The following DSCAM variants were observed in gnomAD, a reference collection of about 807,000 sequenced individuals.
DSCAM encodes DS cell adhesion molecule.
Under a neutral mutation model 217.7 loss-of-function variants are expected in DSCAM, and 47 were observed. The ratio of observed to expected loss-of-function variants is 0.22; its 90% CI spans 0.17 to 0.28. The LOEUF is 0.28. DSCAM is among the 10% of genes least tolerant of loss of function. The pLI is 1.00. For missense variants in DSCAM, 2,080 were observed against 2,618.3 expected (o/e 0.79, Z 4.49); for synonymous variants, 1,056 against 1,015.3 (o/e 1.04, Z -0.76).
At chr21:40,792,187 G>A (rs1185144887) in intron 1 of DSCAM, among the ~76,000 whole-genome samples, 1 of 138,716 alleles carries the variant, frequency 7.2e-6, no homozygotes, top group Non-Finnish European at 1.5e-5. Context: ...TGCCCGGGCT[G>A]GAGTGCAGTG....
At chr21:40,735,053 A>G (rs1034605470) in intron 1 of DSCAM, among the ~76,000 whole-genome samples, 8 of 152,256 alleles carry the variant, frequency 5.3e-5, no homozygotes, top group African/African-American at 1.9e-4. Flanking sequence ...TTGCTAAAGC[A>G]TTGAGAGATA....
intron 8 of DSCAM, among the ~76,000 whole-genome samples, chr21:40,336,556 T>A (rs1175293860): frequency 6.6e-6 from 1 of 152,228 alleles, no homozygotes; most frequent in Non-Finnish European, 1.5e-5. Context: ...ACTTTTTATG[T>A]TACAAAATCA....
At chr21:40,625,634 A>G (rs1192540627) in intron 3 of DSCAM, among the ~76,000 whole-genome samples, 1 of 152,022 alleles carries the variant, frequency 6.6e-6, no homozygotes, top group Non-Finnish European at 1.5e-5. Context: ...GAAAGCCCCC[A>G]CCCTGTGGCC....
intron 28 of DSCAM, among the ~76,000 whole-genome samples, chr21:40,060,894 A>C (rs2089107649): frequency 6.6e-6 from 1 of 152,138 alleles, no homozygotes; most frequent in Non-Finnish European, 1.5e-5. Flanking sequence ...ACACAAGTGC[A>C]TGTGTGTTTG....
intron 3 of DSCAM, among the ~76,000 whole-genome samples, chr21:40,605,331 C>G (rs992418051): frequency 2.0e-5 from 3 of 152,156 alleles, no homozygotes; most frequent in Non-Finnish European, 2.9e-5. Context: ...CCTGTGACCT[C>G]AATCCTCTGA....
At chr21:40,674,428 G>A (rs1465532151) in intron 3 of DSCAM, among the ~76,000 whole-genome samples, 1 of 152,012 alleles carries the variant, frequency 6.6e-6, no homozygotes, top group Non-Finnish European at 1.5e-5. Context: ...AATATGATTT[G>A]TCTTATAGGT....
intron 32 of DSCAM, among the ~76,000 whole-genome samples, chr21:40,040,507 A>T (rs2088726293): frequency 6.6e-6 from 1 of 152,220 alleles, no homozygotes; most frequent in African/African-American, 2.4e-5. Flanking sequence ...TCAGGTGGAA[A>T]CATAAAGTAC....
chr21:40,028,496 G>A (rs930997125), intron 32 of DSCAM, among the ~76,000 whole-genome samples: 1 of 151,876 alleles, frequency 6.6e-6, no homozygotes, highest in African/African-American at 2.4e-5. Context: ...CTAGCAATCA[G>A]CGAGACTCCA....
At chr21:40,106,726 C>T (rs1275248535) in intron 20 of DSCAM, among the ~76,000 whole-genome samples, 1 of 152,066 alleles carries the variant, frequency 6.6e-6, no homozygotes, top group Admixed American at 6.6e-5. Flanking sequence ...GGAATTTATC[C>T]ATTTCTTCTA....
At chr21:40,188,706 T>C (rs914794791) in intron 12 of DSCAM, among the ~76,000 whole-genome samples, 12 of 152,344 alleles carry the variant, frequency 7.9e-5, no homozygotes, top group African/African-American at 2.6e-4. Context: ...TTTTTCTTTT[T>C]GCAGGAAGTT....
intron 1 of DSCAM, among the ~76,000 whole-genome samples, chr21:40,726,348 A>C (rs1156732963): frequency 2.0e-5 from 3 of 152,212 alleles, no homozygotes; most frequent in African/African-American, 7.2e-5. Flanking sequence ...CATAGTCATA[A>C]TAATGTAAAT....
intron 3 of DSCAM, among the ~76,000 whole-genome samples, chr21:40,570,857 TAAAAC>T (rs1022875260): frequency 2.7e-5 from 4 of 150,756 alleles, no homozygotes; most frequent in African/African-American, 9.8e-5. Context: ...ATGAAAAAAA[TAAAAC>T]AAAGCATCCA....
At chr21:40,111,064 A>G (rs1045945097) in intron 20 of DSCAM, among the ~76,000 whole-genome samples, 38 of 152,216 alleles carry the variant, frequency 2.5e-4, no homozygotes, top group African/African-American at 9.2e-4. Flanking sequence ...AATACAGAGA[A>G]CACCATAAAG....
chr21:40,689,691 CA>C (rs1171921625), intron 3 of DSCAM, among the ~76,000 whole-genome samples: 1 of 152,254 alleles, frequency 6.6e-6, no homozygotes, highest in Non-Finnish European at 1.5e-5. Flanking sequence ...CAGATCCCAG[CA>C]GGCTGGGATG....
At chr21:40,489,646 G>T (rs1417255434) in intron 3 of DSCAM, among the ~76,000 whole-genome samples, 1 of 151,088 alleles carries the variant, frequency 6.6e-6, no homozygotes, top group Non-Finnish European at 1.5e-5. Flanking sequence ...GTAGTGGCAG[G>T]CGCCTGTAGT....
intron 20 of DSCAM, among the ~76,000 whole-genome samples, chr21:40,119,798 G>A (rs2146658257): frequency 6.6e-6 from 1 of 152,172 alleles, no homozygotes; most frequent in Non-Finnish European, 1.5e-5. Flanking sequence ...ATACAGCCAG[G>A]AGGTCCGTGT....
chr21:40,729,807 C>A (rs1216211634), intron 1 of DSCAM, among the ~76,000 whole-genome samples: 1 of 152,164 alleles, frequency 6.6e-6, no homozygotes, highest in African/African-American at 2.4e-5. Flanking sequence ...AGGCCAGATC[C>A]ATGGTGAAAA....
chr21:40,233,575 C>T (rs1201465374), intron 11 of DSCAM, among the ~76,000 whole-genome samples: 1 of 152,078 alleles, frequency 6.6e-6, no homozygotes, highest in Non-Finnish European at 1.5e-5. Context: ...AGACTTTTTG[C>T]CCCTATGTCC....
At chr21:40,148,767 C>G (rs1385618128) in intron 16 of DSCAM, among the ~76,000 whole-genome samples, 1 of 152,020 alleles carries the variant, frequency 6.6e-6, no homozygotes, top group Non-Finnish European at 1.5e-5. Context: ...TCATCTCTGT[C>G]AAAAATACTG....
Sources: allele counts gnomAD v4.1 joint callset (sites outside exome capture counted in the v4.1 genomes callset), GRCh38; gene constraint gnomAD v4.1.1; transcripts MANE v1.5; gene names NCBI Gene and HGNC (gene_info 2026-07-23, HGNC 2026-07-21).